ANKRD30B: variants seen among roughly 807,000 people sequenced by gnomAD.
The protein encoded by ANKRD30B is ankyrin repeat domain-containing protein 30B.
In ANKRD30B, 144 loss-of-function variants were observed where a neutral mutation model predicts 202.2. The observed-to-expected ratio is 0.71, with a 90% CI of 0.62 to 0.82. The LOEUF is 0.82. Among genes scored for constraint, ANKRD30B ranks in the 40% least tolerant of loss-of-function variants. ANKRD30B has a pLI of 0.00. For missense variants in ANKRD30B, 1,487 were observed against 1,669.1 expected, an observed-to-expected ratio of 0.89 and a Z score of 1.90; for synonymous variants, 508 against 561.3, an observed-to-expected ratio of 0.91 and a Z score of 1.34.
At chr18:14,796,770 A>G (rs532960212) in intron 18 of ANKRD30B, among the ~76,000 whole-genome samples, 21 of 149,908 alleles carry the variant, frequency 1.4e-4, no homozygotes, top group Non-Finnish European at 2.8e-4. Context: ...CGTAGTGCCA[A>G]CAATTCACTG....
intron 26 of ANKRD30B, among the ~76,000 whole-genome samples, 165 bp downstream of exon 26, chr18:14,808,909 G>C (rs375354753): frequency 6.6e-5 from 10 of 150,828 alleles, no homozygotes; most frequent in African/African-American, 2.5e-4. Flanking sequence ...ATGTCATTTA[G>C]AAGCATAAGA....
downstream of ANKRD30B, among the ~76,000 whole-genome samples, chr18:14,856,162 A>T (rs1283554906): frequency 1.8e-4 from 23 of 131,040 alleles, no homozygotes; most frequent in South Asian, 1.0e-3. Context: ...TGGGACGGCC[A>T]GGCAGAGGCG....
chr18:14,844,659 A>T (rs985057412), intron 39 of ANKRD30B, among the ~76,000 whole-genome samples: 7 of 152,224 alleles, frequency 4.6e-5, no homozygotes, highest in Admixed American at 3.9e-4. Context: ...GAATTGCCAC[A>T]CTGTCTTCCA....
At chr18:14,811,635 C>G (rs1969929674) in intron 28 of ANKRD30B, among the ~76,000 whole-genome samples, 2 of 111,032 alleles carry the variant, frequency 1.8e-5, no homozygotes, top group Non-Finnish European at 3.6e-5. Context: ...ATATTTAATA[C>G]ATAAAATTTT....
At chr18:14,892,244 A>G in the ANKRD30B span, among the ~76,000 whole-genome samples, 1 of 152,228 alleles carries the variant, frequency 6.6e-6, no homozygotes, top group African/African-American at 2.4e-5. Context: ...AGGGACTGGA[A>G]TCTGTAATAT....
the ANKRD30B span, among the ~76,000 whole-genome samples, chr18:14,860,114 G>T: frequency 6.9e-6 from 1 of 145,180 alleles, no homozygotes; most frequent in Admixed American, 6.8e-5. Flanking sequence ...TCACTTCCCA[G>T]ATGGGGCGGC....
chr18:14,935,868 G>A, the ANKRD30B span, among the ~76,000 whole-genome samples: 10 of 152,230 alleles, frequency 6.6e-5, no homozygotes, highest in African/African-American at 2.2e-4. Flanking sequence ...CCCAGGGAGT[G>A]CAGCCTGTGA....
At chr18:14,934,908 CCACACACA>C in the ANKRD30B span, among the ~76,000 whole-genome samples, 2,135 of 134,660 alleles carry the variant, frequency 0.016, 57 homozygotes, top group African/African-American at 0.058. Flanking sequence ...CCTCCCTCTA[CCACACACA>C]CACACACACA....
chr18:14,933,956 T>C, the ANKRD30B span, among the ~76,000 whole-genome samples: 1 of 152,214 alleles, frequency 6.6e-6, no homozygotes, highest in African/African-American at 2.4e-5. Context: ...TGTCAGCTTC[T>C]CTTCTCTAAA....
chr18:14,820,886 T>G (rs1970379655), intron 30 of ANKRD30B, among the ~76,000 whole-genome samples: 1 of 152,204 alleles, frequency 6.6e-6, no homozygotes, highest in Admixed American at 6.5e-5. Context: ...ATAAAATGAG[T>G]TAGGGAGGAT....
In ANKRD30B at chr18:14,797,777, T is replaced by C. The variant is rs527486198; in HGVS notation, c.1957-5T>C. 4.6e-5 allele frequency: 72 copies of C among 1,569,368 alleles called. 1 individual carries two copies. The South Asian group carries it at 7.7e-4, about 17-fold the overall frequency. On this transcript the variant is annotated splice_polypyrimidine_tract_variant and splice_region_variant and intron_variant, in intron 19 of 43. Transcript: ENST00000690538. ...ATTAATTTTTGTGTTTCCGAACCCA[T>C]TTAGCCTACCTGTGGAAGGAAAGTT...
the ANKRD30B span, among the ~76,000 whole-genome samples, chr18:14,908,550 C>A: frequency 8.5e-5 from 13 of 152,172 alleles, no homozygotes; most frequent in Non-Finnish European, 1.3e-4. Flanking sequence ...GCCTGCCAGC[C>A]CCCTCCCCTA....
chr18:14,817,122 C>T (rs372461799), intron 30 of ANKRD30B: 4 of 152,128 alleles, frequency 2.6e-5, no homozygotes, highest in South Asian at 2.1e-4. Context: ...CTTTGCACTA[C>T]GTTTAATTAG....
chr18:14,831,179 C>A (rs1224947576), intron 33 of ANKRD30B, among the ~76,000 whole-genome samples: 36 of 20,526 alleles, frequency 1.8e-3, no homozygotes, highest in Non-Finnish European at 2.8e-3. Context: ...GACTCCGTCT[C>A]GGAAAAAAAA....
In ANKRD30B at chr18:14,799,133, A is replaced by C. The variant is rs1325062210; in HGVS notation, c.2058+4A>C. 6.3e-7 allele frequency: 1 copy of C among 1,579,538 alleles called. No individual in the cohort carries two copies. On this transcript the variant is annotated splice_donor_region_variant and intron_variant, in intron 21 of 43. Coordinates refer to ENST00000690538, the MANE Select transcript of ANKRD30B (RefSeq NM_001367607.2). ...TGATAATGATGGTCTTCTGAAGGTA[A>C]TAACTTTTATATTTTTATCTTGAAT...
At chr18:14,919,644 G>A in the ANKRD30B span, among the ~76,000 whole-genome samples, 2 of 152,146 alleles carry the variant, frequency 1.3e-5, no homozygotes, top group Admixed American at 6.5e-5. Context: ...TGCCATGTCC[G>A]TTGTAAAATC....
chr18:14,756,112 G>A (rs1260306917), intron 4 of ANKRD30B, among the ~76,000 whole-genome samples: 3 of 152,134 alleles, frequency 2.0e-5, no homozygotes, highest in Non-Finnish European at 4.4e-5. Flanking sequence ...AGTGTGAGAT[G>A]GTATCTCATT....
chr18:14,761,982 AAC>A (rs752604894), intron 6 of ANKRD30B, among the ~76,000 whole-genome samples: 1 of 152,352 alleles, frequency 6.6e-6, no homozygotes, highest in South Asian at 2.1e-4. Flanking sequence ...TGAAAGCATA[AAC>A]AGTCAATTAA....
the ANKRD30B span, among the ~76,000 whole-genome samples, chr18:14,930,577 C>G: frequency 2.0e-5 from 3 of 152,120 alleles, no homozygotes; most frequent in Non-Finnish European, 4.4e-5. Context: ...GCCATGGACG[C>G]TGGGTGTGCT....
Sources: gnomAD v4.1 joint callset for allele counts (sites outside exome capture counted in the v4.1 genomes callset) on GRCh38, gnomAD v4.1.1 for gene constraint, MANE v1.5 for transcripts, NCBI Gene and HGNC (gene_info 2026-07-23, HGNC 2026-07-21) for gene names.